The following RBFOX1 variants were observed in gnomAD, a reference collection of about 807,000 sequenced individuals.
RBFOX1 encodes RNA binding protein fox-1 homolog 1.
RBFOX1 carries 8 observed loss-of-function variants against 57.7 expected under a neutral mutation model. That is an observed-to-expected ratio of 0.14 (90% confidence interval 0.08 to 0.25). The LOEUF (loss-of-function observed/expected upper bound fraction) is 0.25, where lower values mean the gene tolerates loss of function less well. Among genes scored for constraint, RBFOX1 ranks in the 10% least tolerant of loss-of-function variants. RBFOX1 has a pLI of 1.00. For missense variants in RBFOX1, 611 were observed against 548.5 expected (o/e 1.11, Z -1.14); for synonymous variants, 326 against 222.4 (o/e 1.47, Z -4.15).
intron 3 of RBFOX1, among the ~76,000 whole-genome samples, chr16:6,960,056 A>G (rs934552806): frequency 6.6e-6 from 1 of 152,254 alleles, no homozygotes; most frequent in African/African-American, 2.4e-5. Context: ...ACATGACAAG[A>G]TAATAAAGGA....
At chr16:5,956,367 G>A (rs1223879985) in intron 4 of RBFOX1, among the ~76,000 whole-genome samples, 3 of 151,848 alleles carry the variant, frequency 2.0e-5, no homozygotes, top group African/African-American at 7.3e-5. Context: ...TAAATATGTT[G>A]CAAATTTGAC....
intron 1 of RBFOX1, among the ~76,000 whole-genome samples, chr16:5,313,787 GGTCCCTCCCAC>G (rs1279495330): frequency 1.2e-4 from 18 of 152,126 alleles, no homozygotes; most frequent in African/African-American, 4.3e-4. Flanking sequence ...CCTCCCACTA[GGTCCCTCCCAC>G]AACACGTGGG....
chr16:6,202,406 G>C (rs928832203), intron 1 of RBFOX1, among the ~76,000 whole-genome samples: 6 of 152,136 alleles, frequency 3.9e-5, no homozygotes, highest in Admixed American at 3.3e-4. Context: ...AAGGTGCTTT[G>C]AGGTTATTCA....
At chr16:5,332,257 C>G (rs1475904628) in intron 1 of RBFOX1, among the ~76,000 whole-genome samples, 2 of 151,580 alleles carry the variant, frequency 1.3e-5, no homozygotes, top group African/African-American at 2.4e-5. Flanking sequence ...TCAAAGGAAA[C>G]TTTATTTTAT....
intron 4 of RBFOX1, among the ~76,000 whole-genome samples, chr16:5,881,434 C>G (rs1478731777): frequency 6.6e-6 from 1 of 152,106 alleles, no homozygotes; most frequent in African/African-American, 2.4e-5. Context: ...AATCCCAGCA[C>G]TTTGGGAGGC....
chr16:5,279,652 C>T lies in RBFOX1; in HGVS notation c.219+39547C>T, dbSNP rs139304364. On this transcript the variant is annotated intron_variant, in intron 1 of 2. Coordinates refer to the RBFOX1 transcript ENST00000585867. ...AAGTAGCTGGGATTACAGGCACCTA[C>T]CACCATGCCTGGCTAATTGTTGTAT... 1.3e-3 allele frequency among the ~76,000 whole-genome samples: 193 copies of T among 152,282 alleles called. No homozygotes were observed. The Middle Eastern group carries it at 0.034, about 27-fold the overall frequency.
intron 3 of RBFOX1, among the ~76,000 whole-genome samples, chr16:5,700,412 A>G (rs78247945): frequency 0.044 from 6,763 of 152,232 alleles, 209 homozygotes; most frequent in Non-Finnish European, 0.066. Flanking sequence ...TATTAGATTC[A>G]TAGTTGTTTC....
intron 4 of RBFOX1, among the ~76,000 whole-genome samples, chr16:7,260,536 C>A (rs1300897534): frequency 6.6e-6 from 1 of 152,018 alleles, no homozygotes; most frequent in African/African-American, 2.4e-5. Context: ...CCCTGGACCT[C>A]CAAGGCTGCA....
intron 3 of RBFOX1, among the ~76,000 whole-genome samples, chr16:5,681,940 C>T (rs987876776): frequency 2.0e-5 from 3 of 152,026 alleles, no homozygotes; most frequent in African/African-American, 7.3e-5. Context: ...TGTAAGCAGT[C>T]TGACTATTTT....
At chr16:6,968,214 C>G (rs1380724773) in intron 3 of RBFOX1, among the ~76,000 whole-genome samples, 1 of 152,220 alleles carries the variant, frequency 6.6e-6, no homozygotes, top group African/African-American at 2.4e-5. Context: ...GAGTGACTGA[C>G]AGGCTTTTCT....
chr16:5,708,652 C>T (rs984613299), intron 3 of RBFOX1, among the ~76,000 whole-genome samples: 4 of 152,118 alleles, frequency 2.6e-5, no homozygotes, highest in Non-Finnish European at 5.9e-5. Context: ...AATATACAAA[C>T]AGATACCTGT....
intron 3 of RBFOX1, among the ~76,000 whole-genome samples, chr16:5,681,246 T>A (rs1192770225): frequency 2.6e-5 from 4 of 151,062 alleles, no homozygotes; most frequent in African/African-American, 9.7e-5. Context: ...GCTAATTTTT[T>A]TTTTTTTTTT....
chr16:6,434,326 A>G (rs1002919930), intron 2 of RBFOX1, among the ~76,000 whole-genome samples: 1 of 152,036 alleles, frequency 6.6e-6, no homozygotes, highest in Non-Finnish European at 1.5e-5. Flanking sequence ...TATTCCTCCT[A>G]CATCTCCAAT....
intron 4 of RBFOX1, among the ~76,000 whole-genome samples, chr16:7,145,210 G>GT (rs755487527): frequency 3.3e-5 from 5 of 151,820 alleles, no homozygotes; most frequent in Non-Finnish European, 4.4e-5. Context: ...GTTTTGTTTT[G>GT]TTTTTTGTTT....
At chr16:7,313,997 A>G (rs1603618838) in intron 4 of RBFOX1, among the ~76,000 whole-genome samples, 1 of 152,200 alleles carries the variant, frequency 6.6e-6, no homozygotes, top group East Asian at 1.9e-4. Context: ...CCAAAAGAGG[A>G]AAGAGTTCAG....
At chr16:6,432,350 C>T (rs1411919079) in intron 2 of RBFOX1, among the ~76,000 whole-genome samples, 1 of 152,036 alleles carries the variant, frequency 6.6e-6, no homozygotes, top group African/African-American at 2.4e-5. Context: ...TTACCTGAAG[C>T]TTGTATCTCA....
At chr16:6,407,107 A>G (rs1425704850) in intron 2 of RBFOX1, among the ~76,000 whole-genome samples, 2 of 152,196 alleles carry the variant, frequency 1.3e-5, no homozygotes, top group African/African-American at 2.4e-5. Flanking sequence ...TGAGATGGCT[A>G]TGTAACATAG....
At chr16:6,530,383 A>T (rs1438460220) in intron 2 of RBFOX1, among the ~76,000 whole-genome samples, 1 of 152,184 alleles carries the variant, frequency 6.6e-6, no homozygotes, top group Non-Finnish European at 1.5e-5. Context: ...TTGGTGCTAC[A>T]TTCCAAGAGG....
At chr16:6,583,774 A>C (rs1324154814) in intron 2 of RBFOX1, among the ~76,000 whole-genome samples, 2 of 152,214 alleles carry the variant, frequency 1.3e-5, no homozygotes, top group African/African-American at 4.8e-5. Context: ...ATGAAACTGC[A>C]GTTTAATTAG....
Sources: gnomAD v4.1 joint callset for allele counts (sites outside exome capture counted in the v4.1 genomes callset) on GRCh38, gnomAD v4.1.1 for gene constraint, MANE v1.5 for transcripts, NCBI Gene and HGNC (gene_info 2026-07-23, HGNC 2026-07-21) for gene names.